SLC8A1: variants seen among roughly 807,000 people sequenced by gnomAD.
The protein encoded by SLC8A1 is solute carrier family 8 member A1.
A neutral mutation model predicts 68.3 loss-of-function variants in SLC8A1; 18 were observed. The observed-to-expected ratio is 0.26, with a 90% CI of 0.18 to 0.39. SLC8A1 has a LOEUF of 0.39. Ranked by LOEUF, SLC8A1 falls within the 10% of genes least tolerant of loss-of-function variation. The pLI is 1.00. For missense variants in SLC8A1, 985 were observed against 1,156.7 expected (o/e 0.85, Z 2.15); for synonymous variants, 475 against 415.5 (o/e 1.14, Z -1.74).
At chr2:40,339,762 C>G (rs1667109546) in intron 2 of SLC8A1, among the ~76,000 whole-genome samples, 1 of 152,160 alleles carries the variant, frequency 6.6e-6, no homozygotes, top group South Asian at 2.1e-4. Context: ...GAAATACTTT[C>G]AATTTCTAAG....
chr2:40,456,130 C>T (rs574087001), upstream of SLC8A1, among the ~76,000 whole-genome samples: 6 of 152,146 alleles, frequency 3.9e-5, no homozygotes, highest in South Asian at 1.0e-3. Flanking sequence ...TCCTGGCTAA[C>T]ATGGTGAAAT....
intron 2 of SLC8A1, among the ~76,000 whole-genome samples, chr2:40,225,828 T>C (rs1320622589): frequency 6.6e-6 from 1 of 152,162 alleles, no homozygotes; most frequent in Non-Finnish European, 1.5e-5. Context: ...GATAAACAGA[T>C]TCCTCTGGTG....
chr2:40,195,380 C>G (rs916862407), intron 2 of SLC8A1, among the ~76,000 whole-genome samples: 50 of 151,750 alleles, frequency 3.3e-4, no homozygotes, highest in African/African-American at 1.2e-3. Context: ...GAGCTAGGCT[C>G]AGGCTTGTGA....
intron 2 of SLC8A1, among the ~76,000 whole-genome samples, chr2:40,365,087 G>A (rs1343900270): frequency 1.3e-5 from 2 of 151,970 alleles, no homozygotes; most frequent in African/African-American, 4.8e-5. Context: ...CACTGGCCAT[G>A]TTCTCCATGA....
At chr2:40,205,015 C>T (rs961727960) in intron 2 of SLC8A1, among the ~76,000 whole-genome samples, 27 of 151,930 alleles carry the variant, frequency 1.8e-4, no homozygotes, top group African/African-American at 6.5e-4. Context: ...CAGTGCTTCA[C>T]TTTTCATACG....
intron 1 of SLC8A1, among the ~76,000 whole-genome samples, chr2:40,500,053 G>A (rs1201521086): frequency 1.3e-5 from 2 of 151,908 alleles, no homozygotes; most frequent in South Asian, 2.1e-4. Context: ...TCTAGACTGT[G>A]GTTTGTGTAC....
rs188814364 is a variant in SLC8A1, at chr2:40,495,968, C to T, written c.-25+16381G>A. Reference sequence around the variant, plus strand: ...AAAAATTATCTATCTGTCTATCAATCATTTATCTATCGGTCTAATCTATTT... The same window carrying T: ...AAAAATTATCTATCTGTCTATCAATTATTTATCTATCGGTCTAATCTATTT... On this transcript the variant is annotated intron_variant, in intron 1 of 7. Transcript: ENST00000402441. Among the ~76,000 whole-genome samples, 53 of 152,204 alleles carry T rather than the reference C, an allele frequency of 3.5e-4. 1 individual carries two copies. Among genetic ancestry groups the T allele is most frequent in the Non-Finnish European group, 5.6e-4 (38 of 68,004 alleles).
exon 8 of SLC8A1, chr2:40,097,614 C>G (rs929657717): frequency 6.6e-6 from 1 of 152,094 alleles, no homozygotes. Flanking sequence ...CACCTTGCAA[C>G]AAGCTTCCAG....
intron 1 of SLC8A1, among the ~76,000 whole-genome samples, chr2:40,471,873 C>T (rs1049072494): frequency 2.6e-5 from 4 of 152,152 alleles, no homozygotes; most frequent in Admixed American, 2.6e-4. Context: ...ATCATGCTGG[C>T]AAATCTTAAA....
chr2:40,122,886 T>G (rs2037237969), intron 7 of SLC8A1, among the ~76,000 whole-genome samples: 1 of 152,340 alleles, frequency 6.6e-6, no homozygotes, highest in African/African-American at 2.4e-5. Context: ...GCCCCGGGCT[T>G]AGTTTTCCTA....
At chr2:40,252,822 A>AAAATT (rs1416157643) in intron 2 of SLC8A1, among the ~76,000 whole-genome samples, 12,468 of 136,862 alleles carry the variant, frequency 0.091, 617 homozygotes, top group Admixed American at 0.14. Flanking sequence ...ATACATATAT[A>AAAATT]TGTATATACA....
chr2:40,218,615 G>C (rs1442881461), intron 2 of SLC8A1, among the ~76,000 whole-genome samples: 1 of 150,796 alleles, frequency 6.6e-6, no homozygotes, highest in Non-Finnish European at 1.5e-5. Context: ...ATAAAGCAAA[G>C]GGAAAAAAAA....
At chr2:40,461,711 C>T (rs576612591) in intron 1 of SLC8A1, among the ~76,000 whole-genome samples, 4 of 152,064 alleles carry the variant, frequency 2.6e-5, no homozygotes, top group Non-Finnish European at 2.9e-5. Flanking sequence ...TTAATCAAGT[C>T]TTTTTGTCTT....
intron 2 of SLC8A1, among the ~76,000 whole-genome samples, chr2:40,236,246 A>T (rs10153662): frequency 0.11 from 15,541 of 147,102 alleles, 890 homozygotes; most frequent in Non-Finnish European, 0.12. Flanking sequence ...AGTCTCTTTG[A>T]AGGTCACTCA....
chr2:40,375,659 C>A (rs1341913702), intron 2 of SLC8A1, among the ~76,000 whole-genome samples: 1 of 152,056 alleles, frequency 6.6e-6, no homozygotes, highest in Non-Finnish European at 1.5e-5. Context: ...TGAGTTAAGA[C>A]CCACTCCCAA....
At chr2:40,186,446 T>C (rs759483875) in intron 2 of SLC8A1, among the ~76,000 whole-genome samples, 11 of 152,152 alleles carry the variant, frequency 7.2e-5, no homozygotes, top group Non-Finnish European at 1.5e-4. Flanking sequence ...AGAAGATCCA[T>C]GCATATATTA....
intron 2 of SLC8A1, among the ~76,000 whole-genome samples, chr2:40,315,132 G>A (rs1004970187): frequency 6.6e-6 from 1 of 151,924 alleles, no homozygotes; most frequent in East Asian, 1.9e-4. Context: ...GTTTTTTCAT[G>A]TATGTCCTTT....
chr2:40,403,270 T>C (rs374749439), intron 2 of SLC8A1, among the ~76,000 whole-genome samples: 1 of 152,162 alleles, frequency 6.6e-6, no homozygotes, highest in Non-Finnish European at 1.5e-5. Context: ...AATTCTCCCA[T>C]TAAACCCAGG....
At chr2:40,349,420 T>G (rs1463002945) in intron 2 of SLC8A1, among the ~76,000 whole-genome samples, 3 of 152,074 alleles carry the variant, frequency 2.0e-5, no homozygotes, top group Non-Finnish European at 4.4e-5. Flanking sequence ...ACTTCTGAGG[T>G]TAAAGGGAAG....
Sources: gnomAD v4.1 joint callset for allele counts (sites outside exome capture counted in the v4.1 genomes callset) on GRCh38, gnomAD v4.1.1 for gene constraint, MANE v1.5 for transcripts, NCBI Gene and HGNC (gene_info 2026-07-23, HGNC 2026-07-21) for gene names.